The following ULK4 variants were observed in gnomAD, a reference collection of about 807,000 sequenced individuals.
ULK4 encodes inactive serine/threonine-protein kinase ULK4.
In ULK4, 133 loss-of-function variants were observed where a neutral mutation model predicts 160.6. The observed-to-expected ratio is 0.83, with a 90% confidence interval of 0.72 to 0.96. The LOEUF is 0.96. Among genes scored for constraint, ULK4 ranks in the 40% least tolerant of loss-of-function variants. ULK4 has a pLI of 0.00. For synonymous variants in ULK4, 534 were observed against 539.8 expected (o/e 0.99, Z 0.15); for missense variants, 1,580 against 1,499.5 (o/e 1.05, Z -0.89).
At chr3:41,954,545 C>T in intron 2 of ULK4, 77 bp downstream of exon 2, 1 of 1,496,848 alleles carries the variant, frequency 6.7e-7, no homozygotes, top group East Asian at 2.3e-5. Flanking sequence ...AATTCAATGA[C>T]TACTGTGAAA....
intron 27 of ULK4, among the ~76,000 whole-genome samples, chr3:41,686,711 T>C (rs1219411448): frequency 1.3e-5 from 2 of 152,230 alleles, no homozygotes; most frequent in South Asian, 2.1e-4. Context: ...GGAGGACTAC[T>C]GTAAAATAAG....
At chr3:41,608,122 C>A (rs1165114183) in intron 31 of ULK4, among the ~76,000 whole-genome samples, 1 of 152,060 alleles carries the variant, frequency 6.6e-6, no homozygotes. Context: ...AGTCTTTTTT[C>A]CAATTTGGTA....
intron 31 of ULK4, among the ~76,000 whole-genome samples, chr3:41,594,524 T>C (rs1001402888): frequency 1.3e-5 from 2 of 152,020 alleles, no homozygotes; most frequent in Non-Finnish European, 2.9e-5. Flanking sequence ...GATGACAGAA[T>C]GAGACTCTAT....
intron 21 of ULK4, among the ~76,000 whole-genome samples, chr3:41,776,203 C>G (rs943966135): frequency 1.3e-5 from 2 of 151,002 alleles, no homozygotes; most frequent in South Asian, 2.1e-4. Context: ...ATTCAAGCAT[C>G]TTTTCCCAAG....
At chr3:41,704,055 A>G (rs1184989726) in intron 27 of ULK4, among the ~76,000 whole-genome samples, 1 of 152,202 alleles carries the variant, frequency 6.6e-6, no homozygotes, top group Admixed American at 6.5e-5. Context: ...TTTATTCATT[A>G]TTACAGGCAA....
rs180920279 is a variant in ULK4 at position 41,775,555 on chromosome 3, C to T, written c.2193+14106G>A. 2.6e-3 allele frequency among the ~76,000 whole-genome samples: 393 copies of T among 150,420 alleles called. 33 individuals carry two copies. Among genetic ancestry groups the T allele is most frequent in the African/African-American group, 8.8e-3 (352 of 39,858 alleles). On this transcript the variant is annotated intron_variant, in intron 21 of 36. Coordinates refer to ENST00000301831, the MANE Select transcript of ULK4 (RefSeq NM_017886.4). ...CTGGAATTACAGGCACACACCACCA[C>T]ACCCAGCTAATTTTTGTATTTTTAG...
intron 13 of ULK4, chr3:41,899,347 GA>G (rs1698273632): frequency 6.6e-6 from 1 of 152,138 alleles, no homozygotes; most frequent in South Asian, 2.1e-4. Context: ...AGGTATACAG[GA>G]ACTCTCAATT....
intron 7 of ULK4, among the ~76,000 whole-genome samples, chr3:41,916,747 G>A (rs1282761054): frequency 9.6e-6 from 1 of 104,608 alleles, no homozygotes; most frequent in African/African-American, 3.6e-5. Flanking sequence ...CACTCTTCTT[G>A]CCCAGGCTGG....
intron 32 of ULK4, among the ~76,000 whole-genome samples, chr3:41,558,034 T>C (rs2087368116): frequency 6.6e-6 from 1 of 152,100 alleles, no homozygotes. Flanking sequence ...AATTGGCACA[T>C]TACTTAGAGC....
intron 2 of ULK4, among the ~76,000 whole-genome samples, chr3:41,950,616 T>C (rs897553877): frequency 2.0e-5 from 3 of 151,942 alleles, no homozygotes; most frequent in African/African-American, 4.8e-5. Flanking sequence ...CTCAAACTCC[T>C]GAGCTCAAGC....
chr3:41,307,253 A>AT (rs2079964512), intron 35 of ULK4, among the ~76,000 whole-genome samples: 1 of 151,784 alleles, frequency 6.6e-6, no homozygotes, highest in African/African-American at 2.4e-5. Flanking sequence ...ACTCGGCCTG[A>AT]TTCCATGTGC....
At chr3:41,906,659 C>G (rs887991282) in intron 12 of ULK4, among the ~76,000 whole-genome samples, 2 of 151,944 alleles carry the variant, frequency 1.3e-5, no homozygotes, top group African/African-American at 4.8e-5. Flanking sequence ...AAAAAGGAAT[C>G]TAGTACTGAT....
At chr3:41,440,617 T>C (rs1282895893) in intron 34 of ULK4, among the ~76,000 whole-genome samples, 2 of 152,132 alleles carry the variant, frequency 1.3e-5, no homozygotes, top group Non-Finnish European at 2.9e-5. Context: ...GTAGTTTTCT[T>C]TTCTTGTACC....
chr3:41,653,537 T>C (rs909052277), intron 30 of ULK4, among the ~76,000 whole-genome samples: 1 of 152,226 alleles, frequency 6.6e-6, no homozygotes. Context: ...ACGACCCAGA[T>C]GATCTCCAAA....
intron 5 of ULK4, among the ~76,000 whole-genome samples, chr3:41,930,141 T>C (rs536813475): frequency 5.3e-4 from 80 of 152,112 alleles, no homozygotes; most frequent in African/African-American, 1.8e-3. Flanking sequence ...AAAACAGATA[T>C]ATAGATCAAT....
chr3:41,765,817 A>G (rs1377213464), intron 21 of ULK4, among the ~76,000 whole-genome samples: 2 of 152,250 alleles, frequency 1.3e-5, no homozygotes, highest in Non-Finnish European at 2.9e-5. Context: ...TTTATCATAA[A>G]TAACATTTAT....
chr3:41,947,559 T>C (rs933643054), intron 2 of ULK4, among the ~76,000 whole-genome samples: 3 of 152,170 alleles, frequency 2.0e-5, no homozygotes, highest in African/African-American at 7.2e-5. Flanking sequence ...GAACCAACTA[T>C]AGATCAGGAT....
chr3:41,543,990 G>C (rs1222198155), intron 32 of ULK4, among the ~76,000 whole-genome samples: 1 of 152,044 alleles, frequency 6.6e-6, no homozygotes, highest in Non-Finnish European at 1.5e-5. Context: ...TATAATAATT[G>C]ATTTAAAATC....
chr3:41,533,957 G>A (rs369410630), intron 32 of ULK4, among the ~76,000 whole-genome samples: 377 of 152,134 alleles, frequency 2.5e-3, no homozygotes, highest in East Asian at 0.013. Flanking sequence ...ACAGGCGCCC[G>A]CCACCACGCC....
Sources: gnomAD v4.1 joint callset for allele counts (sites outside exome capture counted in the v4.1 genomes callset) on GRCh38, gnomAD v4.1.1 for gene constraint, MANE v1.5 for transcripts, NCBI Gene and HGNC (gene_info 2026-07-23, HGNC 2026-07-21) for gene names.